Variants in ALK observed in about 807,000 individuals in gnomAD.
ALK encodes the protein ALK receptor tyrosine kinase.
ALK carries 74 observed loss-of-function variants against 163.1 expected under a neutral mutation model. The ratio of observed to expected loss-of-function variants is 0.45; its 90% confidence interval spans 0.38 to 0.55. The LOEUF is 0.55. Among genes scored for constraint, ALK ranks in the 20% least tolerant of loss-of-function variants. ALK has a pLI of 0.00. For missense variants in ALK, 2,063 were observed against 2,105.3 expected (o/e 0.98, Z 0.39); for synonymous variants, 960 against 843.2 (o/e 1.14, Z -2.40).
At chr2:29,845,185 G>T (rs368547221) in intron 1 of ALK, among the ~76,000 whole-genome samples, 1 of 152,158 alleles carries the variant, frequency 6.6e-6, no homozygotes, top group Non-Finnish European at 1.5e-5. Context: ...TCACTGGAGG[G>T]GATCATCACC....
At chr2:29,214,800 G>A (rs542141783) in intron 23 of ALK, among the ~76,000 whole-genome samples, 10 of 152,260 alleles carry the variant, frequency 6.6e-5, no homozygotes, top group African/African-American at 1.2e-4. Flanking sequence ...AATCCCTGAC[G>A]TGTGCGGCAG....
Position 29,274,497 on chromosome 2 carries a change from C to T in ALK, c.2041+602G>A, listed in dbSNP as rs528895934. Among the ~76,000 whole-genome samples the T allele has an allele frequency of 1.1e-4, 17 of 152,294 alleles. No homozygotes were observed. The East Asian group carries it at 2.9e-3, about 26-fold the overall frequency. ...GCTTCTGCGGGGCTAGGTTCACAGC[C>T]GCTGGTCTAATAGAAGAGTGGTGGA... On this transcript the variant is annotated intron_variant, in intron 11 of 28. Transcript: ENST00000389048.
rs148351049 is a variant in ALK, at chr2:29,193,364, G to C, written c.4723C>G (p.Arg1575Gly). 1 of 1,614,202 alleles carries C rather than the reference G, an allele frequency of 6.2e-7. No homozygotes were observed. The highest frequency in any genetic ancestry group is 8.5e-7 in the Non-Finnish European group (1 of 1,180,036). ...NMKEVPLFRLRHFPCGNVNYG... is the reference protein window; with the variant it reads ...NMKEVPLFRLGHFPCGNVNYG... ...TTGACATTCCCACAAGGGAAGTGAC[G>C]TAGCCTGAACAGAGGTACCTCCTTC... The change falls in exon 29 of 29, where the codon CGT (arginine) becomes GGT (glycine). Residue 1575 changes from arginine (R) to glycine (G), a missense_variant. Arg to Gly is a moderately radical substitution (Grantham distance 125, BLOSUM62 -2). Transcript: ENST00000389048.
intron 3 of ALK, among the ~76,000 whole-genome samples, chr2:29,538,054 G>C (rs1673307678): frequency 1.3e-5 from 2 of 152,200 alleles, no homozygotes; most frequent in South Asian, 4.1e-4. Flanking sequence ...TGATTTTATA[G>C]GCACATAGGT....
At position 29,274,364 on chromosome 2, in the gene ALK, G is replaced by T. The variant is rs186979279; in HGVS notation, c.2041+735C>A. Among the ~76,000 whole-genome samples, 643 of 152,322 alleles carry T rather than the reference G, an allele frequency of 4.2e-3. 6 individuals carry two copies. Among genetic ancestry groups the T allele is most frequent in the African/African-American group, 0.014 (602 of 41,558 alleles). ...TGGGTAGACTGTGTGTTGTACACTT[G>T]TTTCTCCAGGCTATACATAGCAGAA... is the stretch of plus-strand genomic sequence containing the variant. On this transcript the variant is annotated intron_variant, in intron 11 of 28. Transcript: ENST00000389048.
chr2:29,466,881 T>C (rs1188850222), intron 4 of ALK, among the ~76,000 whole-genome samples: 3 of 152,274 alleles, frequency 2.0e-5, no homozygotes, highest in African/African-American at 7.2e-5. Context: ...ATCTGATAAT[T>C]TGTGTTTACA....
intron 1 of ALK, among the ~76,000 whole-genome samples, chr2:29,787,050 C>T (rs1438732220): frequency 6.6e-6 from 1 of 152,120 alleles, no homozygotes; most frequent in African/African-American, 2.4e-5. Flanking sequence ...CCGCCTTGGC[C>T]TCCCAAAGTG....
intron 3 of ALK, among the ~76,000 whole-genome samples, chr2:29,667,613 C>T (rs1253384064): frequency 1.3e-5 from 2 of 151,774 alleles, no homozygotes; most frequent in East Asian, 1.9e-4. Flanking sequence ...GTATGTTGAA[C>T]CATCCTTGCA....
intron 3 of ALK, among the ~76,000 whole-genome samples, chr2:29,551,852 TAA>T (rs1323933659): frequency 2.0e-5 from 3 of 152,240 alleles, no homozygotes; most frequent in Non-Finnish European, 4.4e-5. Flanking sequence ...TTTACAGTGA[TAA>T]GATATACACA....
At chr2:29,448,423 T>G (rs1399076525) in intron 4 of ALK, among the ~76,000 whole-genome samples, 1 of 152,190 alleles carries the variant, frequency 6.6e-6, no homozygotes, top group African/African-American at 2.4e-5. Context: ...GTGTGCCTCA[T>G]GGGCGTGTTA....
chr2:29,606,695 C>A (rs763135079), intron 3 of ALK, among the ~76,000 whole-genome samples: 2 of 152,218 alleles, frequency 1.3e-5, no homozygotes, highest in African/African-American at 4.8e-5. Flanking sequence ...CCCATCTGTT[C>A]ACCTATTGTC....
intron 3 of ALK, among the ~76,000 whole-genome samples, chr2:29,626,511 C>G (rs891341988): frequency 6.6e-6 from 1 of 152,150 alleles, no homozygotes; most frequent in Non-Finnish European, 1.5e-5. Flanking sequence ...ACTGTGAGTC[C>G]ATTAAACCTC....
chr2:29,481,728 C>T (rs1671663374), intron 4 of ALK, among the ~76,000 whole-genome samples: 1 of 152,192 alleles, frequency 6.6e-6, no homozygotes, highest in Non-Finnish European at 1.5e-5. Context: ...TGGGACTTCT[C>T]TCTCCAGCTG....
intron 25 of ALK, 52 bp downstream of exon 25, chr2:29,209,734 G>C (rs1669412228): frequency 7.3e-7 from 1 of 1,362,864 alleles, no homozygotes; most frequent in Non-Finnish European, 1.0e-6. Flanking sequence ...CCATTCTTGA[G>C]GGGCTGAGGT....
intron 3 of ALK, among the ~76,000 whole-genome samples, chr2:29,583,284 A>G (rs1210834863): frequency 1.3e-5 from 2 of 152,162 alleles, no homozygotes; most frequent in African/African-American, 4.8e-5. Context: ...ATCATGCTTT[A>G]TAATTTGCAA....
At chr2:29,751,914 T>C (rs1680376234) in intron 1 of ALK, among the ~76,000 whole-genome samples, 1 of 151,864 alleles carries the variant, frequency 6.6e-6, no homozygotes, top group Non-Finnish European at 1.5e-5. Context: ...AAAACAACAA[T>C]GATGATAATT....
chr2:29,525,791 C>CA lies in ALK; in HGVS notation c.1154+6123dup, dbSNP rs61519081. The stretch of plus-strand genomic sequence containing the variant: ...GGGTGACAAGAGCAAGACTCCATCT[C>CA]AAAAAAAAAAAAAAAAAAAAAAAAG... On this transcript the variant is annotated intron_variant, in intron 4 of 28. Coordinates refer to ENST00000389048, the MANE Select transcript of ALK (RefSeq NM_004304.5). 2.8e-3 allele frequency among the ~76,000 whole-genome samples: 196 copies of CA among 69,104 alleles called. 3 individuals carry two copies. Among genetic ancestry groups the CA allele is most frequent in the African/African-American group, 9.5e-3 (183 of 19,358 alleles). 45.3% of individuals were successfully genotyped at this position (69,104 alleles called of 152,430 possible). A position where few individuals can be genotyped will look rare whatever the true frequency, so the allele number is the denominator to read the frequency against.
chr2:29,491,647 G>T (rs78710862), intron 4 of ALK, among the ~76,000 whole-genome samples: 1 of 152,294 alleles, frequency 6.6e-6, no homozygotes, highest in African/African-American at 2.4e-5. Context: ...AGCAAGGAAC[G>T]CCAGTCCCTC....
chr2:29,763,968 T>C (rs897175673), intron 1 of ALK, among the ~76,000 whole-genome samples: 2 of 152,176 alleles, frequency 1.3e-5, no homozygotes, highest in African/African-American at 4.8e-5. Context: ...CTGTTTATTC[T>C]GCTCTCACAG....
Sources: gnomAD v4.1 joint callset for allele counts (sites outside exome capture counted in the v4.1 genomes callset) on GRCh38, gnomAD v4.1.1 for gene constraint, MANE v1.5 for transcripts, NCBI Gene and HGNC (gene_info 2026-07-23, HGNC 2026-07-21) for gene names.